Variants in CPA6 observed in about 807,000 individuals in gnomAD.
CPA6 encodes the protein carboxypeptidase A6.
CPA6 carries 58 observed loss-of-function variants against 63.3 expected under a neutral mutation model. That is an observed-to-expected ratio of 0.92 (90% CI 0.74 to 1.14). The LOEUF (loss-of-function observed/expected upper bound fraction) is 1.14, where lower values mean the gene tolerates loss of function less well. Among genes scored for constraint, CPA6 ranks in the 50% most tolerant of loss-of-function variants. The pLI, the probability that CPA6 is intolerant of heterozygous loss-of-function variation, is 0.00. For missense variants in CPA6, 565 were observed against 526.6 expected (o/e 1.07, Z -0.71); for synonymous variants, 185 against 179.0 (o/e 1.03, Z -0.27).
At chr8:67,711,267 G>A (rs145738362) in intron 1 of CPA6, among the ~76,000 whole-genome samples, 15 of 152,282 alleles carry the variant, frequency 9.9e-5, no homozygotes, top group African/African-American at 3.1e-4. Flanking sequence ...ACCTATTTTG[G>A]TCTAAAGTAG....
At chr8:67,514,988 A>G (rs1049281287) in intron 3 of CPA6, among the ~76,000 whole-genome samples, 3 of 152,234 alleles carry the variant, frequency 2.0e-5, no homozygotes, top group African/African-American at 7.2e-5. Flanking sequence ...TCCTTCTGGC[A>G]GGGCAGTCTC....
chr8:67,677,446 A>G (rs1031179009), intron 1 of CPA6, among the ~76,000 whole-genome samples: 10 of 150,446 alleles, frequency 6.6e-5, no homozygotes, highest in Non-Finnish European at 1.3e-4. Context: ...GGTATAGTAT[A>G]CTTACAACAG....
At chr8:67,555,625 C>T (rs1031833954) in intron 2 of CPA6, among the ~76,000 whole-genome samples, 3 of 152,134 alleles carry the variant, frequency 2.0e-5, no homozygotes, top group African/African-American at 7.2e-5. Flanking sequence ...TCAGGGAAAC[C>T]TCTGAATTTG....
At chr8:67,680,526 T>C (rs1816570194) in intron 1 of CPA6, among the ~76,000 whole-genome samples, 1 of 151,002 alleles carries the variant, frequency 6.6e-6, no homozygotes. Context: ...TGATTACACA[T>C]GTGAACATAC....
intron 1 of CPA6, among the ~76,000 whole-genome samples, chr8:67,719,629 G>C (rs1369251962): frequency 6.6e-6 from 1 of 152,124 alleles, no homozygotes; most frequent in Non-Finnish European, 1.5e-5. Flanking sequence ...GTCAATTGGA[G>C]GGGGTGAAAC....
intron 8 of CPA6, among the ~76,000 whole-genome samples, chr8:67,464,907 T>A (rs893395828): frequency 1.3e-5 from 2 of 152,258 alleles, no homozygotes; most frequent in African/African-American, 2.4e-5. Flanking sequence ...TTTTGGTTAC[T>A]GTAGCCTCAT....
At chr8:67,452,963 G>C (rs143178291) in intron 8 of CPA6, among the ~76,000 whole-genome samples, 37 of 152,300 alleles carry the variant, frequency 2.4e-4, no homozygotes, top group African/African-American at 8.7e-4. Context: ...CAATCGATGG[G>C]GGACCAGATT....
At chr8:67,695,963 C>CA (rs1015645387) in intron 1 of CPA6, among the ~76,000 whole-genome samples, 4 of 152,084 alleles carry the variant, frequency 2.6e-5, no homozygotes, top group Non-Finnish European at 4.4e-5. Flanking sequence ...GGAGGGCTCC[C>CA]ACCAGAAGAT....
intron 1 of CPA6, among the ~76,000 whole-genome samples, chr8:67,738,025 G>GA (rs61679542): frequency 0.031 from 4,766 of 151,912 alleles, 219 homozygotes; most frequent in African/African-American, 0.1. Context: ...ATTTATAGAA[G>GA]AAAAAATGCA....
intron 1 of CPA6, among the ~76,000 whole-genome samples, chr8:67,654,854 TAGG>T (rs1186235677): frequency 6.6e-6 from 1 of 152,140 alleles, no homozygotes; most frequent in Non-Finnish European, 1.5e-5. Flanking sequence ...CTTACGATGA[TAGG>T]TGGCCAGATT....
At chr8:67,576,866 C>CT (rs34550495) in intron 2 of CPA6, among the ~76,000 whole-genome samples, 53,287 of 141,998 alleles carry the variant, frequency 0.38, 10,241 homozygotes, top group South Asian at 0.5. Flanking sequence ...GTCTTAGAAA[C>CT]TTTTTTTTTT....
chr8:67,628,479 A>C (rs1815243703), intron 1 of CPA6, among the ~76,000 whole-genome samples: 1 of 152,246 alleles, frequency 6.6e-6, no homozygotes. Flanking sequence ...TGTAAAAATT[A>C]AAATATTACA....
chr8:67,447,692 C>T (rs1441607216), intron 8 of CPA6, among the ~76,000 whole-genome samples: 1 of 152,038 alleles, frequency 6.6e-6, no homozygotes, highest in Non-Finnish European at 1.5e-5. Flanking sequence ...GTAAGAGTAC[C>T]ATCTCTCCTT....
chr8:67,640,177 C>T (rs535622415), intron 1 of CPA6, among the ~76,000 whole-genome samples: 1 of 151,554 alleles, frequency 6.6e-6, no homozygotes, highest in East Asian at 1.9e-4. Flanking sequence ...AGCCTGGCCC[C>T]CAGGCTTCGG....
chr8:67,713,083 A>ATGTGTGTG lies in CPA6; in HGVS notation c.116+32923_116+32930dup, dbSNP rs368243285. On this transcript the variant is annotated intron_variant, in intron 1 of 10. Transcript: ENST00000297770. ...TAAGCATGTGTGTATCTGTGTGTGT[A>ATGTGTGTG]TGTGTGTGTGTGTGTGTATATATAT... is the stretch of plus-strand genomic sequence containing the variant. Among the ~76,000 whole-genome samples, 304 of 75,678 alleles carry ATGTGTGTG rather than the reference A, an allele frequency of 4.0e-3. 5 individuals are homozygous for ATGTGTGTG. Among genetic ancestry groups the ATGTGTGTG allele is most frequent in the African/African-American group, 9.7e-3 (182 of 18,732 alleles). 49.6% of individuals were successfully genotyped at this position (75,678 alleles called of 152,430 possible). A position where few individuals can be genotyped will look rare whatever the true frequency, so the allele number is the denominator to read the frequency against.
chr8:67,683,479 G>A (rs1464218828), intron 1 of CPA6, among the ~76,000 whole-genome samples: 2 of 151,998 alleles, frequency 1.3e-5, no homozygotes, highest in African/African-American at 4.8e-5. Flanking sequence ...AACCAGTGAA[G>A]GCTCCCCTTT....
intron 1 of CPA6, among the ~76,000 whole-genome samples, chr8:67,632,184 TTTCTC>T (rs1815355246): frequency 6.8e-6 from 1 of 146,126 alleles, no homozygotes; most frequent in South Asian, 2.1e-4. Flanking sequence ...GTGTGTGTGT[TTTCTC>T]AGAGACAGTC....
At chr8:67,514,510 C>T (rs114253094) in intron 3 of CPA6, among the ~76,000 whole-genome samples, 2,970 of 152,272 alleles carry the variant, frequency 0.02, 89 homozygotes, top group African/African-American at 0.066. Context: ...TCTCTACCTA[C>T]TGGGCCCGTG....
At chr8:67,709,535 A>G (rs1428956398) in intron 1 of CPA6, among the ~76,000 whole-genome samples, 1 of 152,200 alleles carries the variant, frequency 6.6e-6, no homozygotes, top group Non-Finnish European at 1.5e-5. Context: ...GAGCAGTTGA[A>G]TTTTTAAAAC....
Sources: gnomAD v4.1 joint callset for allele counts (sites outside exome capture counted in the v4.1 genomes callset) on GRCh38, gnomAD v4.1.1 for gene constraint, MANE v1.5 for transcripts, NCBI Gene and HGNC (gene_info 2026-07-23, HGNC 2026-07-21) for gene names.